Variants in DYM observed in about 807,000 individuals in gnomAD.
DYM encodes dyggve-Melchior-Clausen syndrome protein.
In DYM, 78 loss-of-function variants were observed where a neutral mutation model predicts 93.1. The observed-to-expected ratio is 0.84, with a 90% confidence interval of 0.70 to 1.01. DYM has a LOEUF of 1.01. DYM is among the 50% of genes least tolerant of loss of function. The pLI, the probability that DYM is intolerant of heterozygous loss-of-function variation, is 0.00. For missense variants in DYM, 789 were observed against 845.0 expected (o/e 0.93, Z 0.82); for synonymous variants, 321 against 319.7 (o/e 1.00, Z -0.04).
intron 13 of DYM, among the ~76,000 whole-genome samples, chr18:49,244,014 A>T (rs9964564): frequency 0.027 from 4,039 of 150,280 alleles, 159 homozygotes; most frequent in African/African-American, 0.094. Flanking sequence ...ATTTTTTTTT[A>T]AAAAAGTCAT....
intron 14 of DYM, among the ~76,000 whole-genome samples, chr18:49,168,225 CTATA>C (rs913018272): frequency 6.7e-6 from 1 of 149,244 alleles, no homozygotes; most frequent in African/African-American, 2.5e-5. Context: ...CCCTCTCTCT[CTATA>C]TATATATATA....
chr18:49,191,105 T>A (rs1475819136), intron 14 of DYM, among the ~76,000 whole-genome samples: 3 of 152,118 alleles, frequency 2.0e-5, no homozygotes, highest in Admixed American at 1.3e-4. Flanking sequence ...GGGGTTGGCA[T>A]CTTGCCCCAC....
intron 17 of DYM, among the ~76,000 whole-genome samples, chr18:49,063,877 A>G (rs2076190043): frequency 6.6e-6 from 1 of 151,984 alleles, no homozygotes; most frequent in Admixed American, 6.6e-5. Context: ...GATCCACCTG[A>G]CTTGGCCTTC....
intron 14 of DYM, among the ~76,000 whole-genome samples, chr18:49,191,987 A>G (rs2091012477): frequency 6.6e-6 from 1 of 151,518 alleles, no homozygotes; most frequent in Admixed American, 6.6e-5. Flanking sequence ...CCCAGGCTGG[A>G]GTGTAATAGT....
At chr18:49,239,773 A>G (rs2093968232) in intron 13 of DYM, among the ~76,000 whole-genome samples, 1 of 152,242 alleles carries the variant, frequency 6.6e-6, no homozygotes. Flanking sequence ...ACAAGAGACC[A>G]CAAGTAGAGA....
intron 3 of DYM, among the ~76,000 whole-genome samples, chr18:49,383,943 TACACAGCAATC>T (rs2068302864): frequency 6.7e-6 from 1 of 150,118 alleles, no homozygotes. Flanking sequence ...AGAATTTTAA[TACACAGCAATC>T]AACAGTAGAC....
intron 14 of DYM, among the ~76,000 whole-genome samples, chr18:49,176,885 AT>A (rs527950798): frequency 1.3e-5 from 2 of 152,122 alleles, no homozygotes; most frequent in Non-Finnish European, 2.9e-5. Flanking sequence ...TGAAAGTCTA[AT>A]TTTTTATAAT....
At chr18:49,440,037 T>G (rs1449049757) in intron 1 of DYM, among the ~76,000 whole-genome samples, 1 of 146,706 alleles carries the variant, frequency 6.8e-6, no homozygotes, top group Non-Finnish European at 1.5e-5. Flanking sequence ...AATAAATAAA[T>G]AAATAAATAA....
At chr18:49,235,310 A>T (rs2093827506) in intron 13 of DYM, among the ~76,000 whole-genome samples, 1 of 152,224 alleles carries the variant, frequency 6.6e-6, no homozygotes, top group Non-Finnish European at 1.5e-5. Context: ...CTTCTTTAAG[A>T]TACTCAGATT....
chr18:49,378,539 C>T (rs745769390), intron 5 of DYM, 28 bp downstream of exon 5: 9 of 1,588,378 alleles, frequency 5.7e-6, no homozygotes, highest in African/African-American at 1.3e-5. Flanking sequence ...CATGATATAT[C>T]CAGAACATCT....
chr18:49,313,508 A>T (rs2061737994), intron 8 of DYM, among the ~76,000 whole-genome samples: 2 of 145,896 alleles, frequency 1.4e-5, no homozygotes, highest in Admixed American at 6.9e-5. Flanking sequence ...GGGCTGCAGT[A>T]AAAAACCTGG....
chr18:49,402,502 C>T (rs2070969234), intron 2 of DYM, among the ~76,000 whole-genome samples: 1 of 152,166 alleles, frequency 6.6e-6, no homozygotes, highest in South Asian at 2.1e-4. Flanking sequence ...GTGCTCACAA[C>T]AATCCCTATA....
chr18:49,191,083 C>T (rs1170751914), intron 14 of DYM, among the ~76,000 whole-genome samples: 1 of 143,376 alleles, frequency 7.0e-6, no homozygotes, highest in Non-Finnish European at 1.5e-5. Context: ...GGGGGGAGTG[C>T]AGGGGGGTTT....
chr18:49,177,055 C>A (rs1384720776), intron 14 of DYM, among the ~76,000 whole-genome samples: 1 of 151,968 alleles, frequency 6.6e-6, no homozygotes, highest in Non-Finnish European at 1.5e-5. Flanking sequence ...AATTGCACAC[C>A]AAGGAAATAG....
chr18:49,242,166 C>T (rs1460944454), intron 13 of DYM, among the ~76,000 whole-genome samples: 1 of 152,202 alleles, frequency 6.6e-6, no homozygotes, highest in African/African-American at 2.4e-5. Context: ...AATCCCAGCA[C>T]TTTGGGAGGC....
intron 17 of DYM, among the ~76,000 whole-genome samples, chr18:49,080,901 C>G (rs9675559): frequency 0.32 from 45,952 of 145,170 alleles, 8,019 homozygotes; most frequent in East Asian, 0.62. Flanking sequence ...ACATCTCAGA[C>G]GATGGGCGGC....
At chr18:49,217,723 C>G (rs1041113953) in intron 13 of DYM, among the ~76,000 whole-genome samples, 1 of 152,170 alleles carries the variant, frequency 6.6e-6, no homozygotes, top group South Asian at 2.1e-4. Context: ...TTCTCACCAC[C>G]AGGCCTGCCC....
intron 2 of DYM, among the ~76,000 whole-genome samples, chr18:49,405,792 T>C (rs762392390): frequency 6.6e-6 from 1 of 152,198 alleles, no homozygotes; most frequent in Non-Finnish European, 1.5e-5. Flanking sequence ...AAGAATAGTA[T>C]TGTATCTGTA....
chr18:49,327,983 G>A (rs933513922), intron 8 of DYM, among the ~76,000 whole-genome samples: 2 of 152,150 alleles, frequency 1.3e-5, no homozygotes, highest in Admixed American at 6.5e-5. Flanking sequence ...AACAGCAAAG[G>A]CTCAGGGGTC....
Sources: allele counts gnomAD v4.1 joint callset (sites outside exome capture counted in the v4.1 genomes callset), GRCh38; gene constraint gnomAD v4.1.1; transcripts MANE v1.5; gene names NCBI Gene and HGNC (gene_info 2026-07-23, HGNC 2026-07-21).